Variants in SYT2 observed in about 807,000 individuals in gnomAD.
SYT2 encodes the protein synaptotagmin 2, also known as synaptotagmin-2.
Under a neutral mutation model 39.9 loss-of-function variants are expected in SYT2, and 15 were observed. That is an observed-to-expected ratio of 0.38 (90% CI 0.25 to 0.58). SYT2 has a LOEUF of 0.58. Ranked by LOEUF, SYT2 falls within the 20% of genes least tolerant of loss-of-function variation. The probability of loss-of-function intolerance (pLI) is 0.70; values close to 1 mark genes in which losing one functional copy is unlikely to be tolerated. For missense variants in SYT2, 389 were observed against 530.3 expected, an observed-to-expected ratio of 0.73 and a Z score of 2.62; for synonymous variants, 181 against 204.5, an observed-to-expected ratio of 0.89 and a Z score of 0.98.
At chr1:202,668,607 C>A (rs1572668631) in intron 1 of SYT2, among the ~76,000 whole-genome samples, 1 of 152,148 alleles carries the variant, frequency 6.6e-6, no homozygotes, top group East Asian at 1.9e-4. Flanking sequence ...CCTGTGCTAG[C>A]CATTTTATGT....
intron 1 of SYT2, chr1:202,630,511 T>C (rs1691554630): frequency 5.5e-6 from 3 of 541,948 alleles, no homozygotes; most frequent in Non-Finnish European, 7.1e-6. Context: ...TGGGGTGGGC[T>C]TGGAAGAGGC....
At chr1:202,687,000 C>G (rs1263324520) in intron 1 of SYT2, among the ~76,000 whole-genome samples, 1 of 152,144 alleles carries the variant, frequency 6.6e-6, no homozygotes, top group Non-Finnish European at 1.5e-5. Flanking sequence ...GAGCTGCAGC[C>G]TGACAATCTA....
Position 202,596,814 on chromosome 1 carries a change from C to T in SYT2, c.1203G>A (p.Gln401=). The T allele has an allele frequency of 6.2e-7, 1 of 1,614,210 alleles. No individual in the cohort carries two copies. The highest frequency in any genetic ancestry group is 8.5e-7 in the Non-Finnish European group (1 of 1,180,024). The change falls in exon 9 of 9, where the codon CAG becomes CAA. Residue 401 remains glutamine, a synonymous_variant. Coordinates refer to ENST00000367268, the MANE Select transcript of SYT2 (RefSeq NM_177402.5). The stretch of plus-strand genomic sequence containing the variant: ...CCTCCTCAGGCTTGAGCGAGTGCCA[C>T]TGGGCGATGGGCCTCCGGGGGTTGG... The part of the protein sequence containing the change: ...MLANPRRPIA[Q]WHSLKPEEEV...
At chr1:202,647,199 A>G (rs1692102823) in intron 1 of SYT2, among the ~76,000 whole-genome samples, 1 of 152,192 alleles carries the variant, frequency 6.6e-6, no homozygotes, top group Admixed American at 6.5e-5. Context: ...CCTTCCAATG[A>G]GATGGCAACT....
chr1:202,643,391 G>C (rs1212729765), intron 1 of SYT2: 3 of 152,972 alleles, frequency 2.0e-5, no homozygotes, highest in Non-Finnish European at 2.9e-5. Flanking sequence ...CTTCCCCGCC[G>C]GCCCTGCCGC....
Position 202,599,043 on chromosome 1 carries a change from G to A in SYT2, c.1053+175C>T, listed in dbSNP as rs1690402233. On this transcript the variant is annotated intron_variant, in intron 8 of 8. Coordinates refer to ENST00000367268, the MANE Select transcript of SYT2 (RefSeq NM_177402.5). The surrounding 1 kb of genome is among the most constrained non-coding windows in gnomAD (Gnocchi z 4.4). ...CATGTTTATCTCCTCAGAAAAGGGG[G>A]ATCCCTGAAGCACTTGGGAAGGAGG... Among the ~76,000 whole-genome samples the A allele has an allele frequency of 6.6e-6, 1 of 152,124 alleles. No homozygotes were observed. The highest frequency in any genetic ancestry group is 1.5e-5 in the Non-Finnish European group (1 of 68,016).
rs142972618 is a variant in SYT2 at position 202,648,251 on chromosome 1, G to A, written c.-17-42462C>T. On this transcript the variant is annotated intron_variant, in intron 1 of 8. Coordinates refer to ENST00000367268, the MANE Select transcript of SYT2 (RefSeq NM_177402.5). The stretch of plus-strand genomic sequence containing the variant: ...GCTAGAGTGCAGAGGTGTGATCTCG[G>A]CTCACCGCAACCTCCGCCTCCCAGG... 8.9e-3 allele frequency among the ~76,000 whole-genome samples: 1,359 copies of A among 152,170 alleles called. 23 individuals carry two copies. Among genetic ancestry groups the A allele is most frequent in the African/African-American group, 0.031 (1,303 of 41,494 alleles).
intron 1 of SYT2, among the ~76,000 whole-genome samples, chr1:202,646,865 C>T (rs1370070521): frequency 1.3e-5 from 2 of 152,160 alleles, no homozygotes; most frequent in African/African-American, 4.8e-5. Context: ...CGCAGCCCCA[C>T]CTCACTTAGT....
intron 1 of SYT2, among the ~76,000 whole-genome samples, chr1:202,640,734 CAGAGAGAG>C (rs56979202): frequency 0.11 from 9,955 of 90,520 alleles, 616 homozygotes; most frequent in Admixed American, 0.14. Flanking sequence ...TCCTAATGGT[CAGAGAGAG>C]AGAGAGAGAG....
At chr1:202,695,410 C>T (rs1325561473) in intron 1 of SYT2, among the ~76,000 whole-genome samples, 1 of 152,188 alleles carries the variant, frequency 6.6e-6, no homozygotes, top group Non-Finnish European at 1.5e-5. Context: ...GCCCTTGTTT[C>T]TAGGTCTGAA....
At chr1:202,681,621 A>T (rs1653527735) in intron 1 of SYT2, among the ~76,000 whole-genome samples, 1 of 152,234 alleles carries the variant, frequency 6.6e-6, no homozygotes, top group Non-Finnish European at 1.5e-5. Context: ...AACAGAGAGC[A>T]GGACCAGCCT....
At chr1:202,648,451 G>A (rs528661426) in intron 1 of SYT2, among the ~76,000 whole-genome samples, 2 of 152,342 alleles carry the variant, frequency 1.3e-5, no homozygotes, top group East Asian at 3.9e-4. Flanking sequence ...CAAAGTGCTG[G>A]GATTACAGGT....
chr1:202,602,093 C>G (rs371718764), intron 5 of SYT2, 36 bp from the exon 6 acceptor site: 1 of 1,610,106 alleles, frequency 6.2e-7, no homozygotes, highest in African/African-American at 1.3e-5. Context: ...GGGGCCAGAG[C>G]GACTCACGCA....
At chr1:202,597,910 A>C (rs1438882876) in intron 8 of SYT2, among the ~76,000 whole-genome samples, 1 of 152,294 alleles carries the variant, frequency 6.6e-6, no homozygotes, top group East Asian at 1.9e-4. Context: ...TGAATGCTCG[A>C]TGCCTTTTTC....
intron 1 of SYT2, among the ~76,000 whole-genome samples, chr1:202,617,477 C>G (rs12566760): frequency 0.17 from 26,523 of 152,084 alleles, 2,723 homozygotes; most frequent in East Asian, 0.29. Context: ...TCTCCAGAAG[C>G]CGAGCAGATG....
At position 202,601,873 on chromosome 1, in the gene SYT2, C is replaced by T. The variant is rs758801043; in HGVS notation, c.801+17G>A. 4 of 1,610,574 alleles carry T rather than the reference C, an allele frequency of 2.5e-6. No individual in the cohort carries two copies. The highest frequency in any genetic ancestry group is 1.7e-5 in the Admixed American group (1 of 59,740). On this transcript the variant is annotated intron_variant, in intron 6 of 8. Transcript: ENST00000367268. This position sits in a 1 kb window ranked among gnomAD's most constrained non-coding sequence, Gnocchi z 4.0. Reference sequence around the variant, plus strand: ...CATTCGTCTTTCTGCCCAACCTGGCCTCATCTCTGCTCTTACCTCCTCCTT... The same window carrying T: ...CATTCGTCTTTCTGCCCAACCTGGCTTCATCTCTGCTCTTACCTCCTCCTT...
chr1:202,613,037 C>G (rs941873153), intron 1 of SYT2, among the ~76,000 whole-genome samples: 1 of 148,302 alleles, frequency 6.7e-6, no homozygotes, highest in African/African-American at 2.5e-5. Context: ...AGTCTTGTAC[C>G]CTGCCACATT....
chr1:202,679,876 C>G (rs147738136), intron 1 of SYT2, among the ~76,000 whole-genome samples: 167 of 152,328 alleles, frequency 1.1e-3, no homozygotes, highest in African/African-American at 4.0e-3. Flanking sequence ...TTCCTTCAGC[C>G]CTCAATGCTG....
At chr1:202,603,967 C>T (rs1441552585) in intron 3 of SYT2, among the ~76,000 whole-genome samples, 1 of 152,160 alleles carries the variant, frequency 6.6e-6, no homozygotes. Flanking sequence ...CTGACCAACA[C>T]CAAAAGACAG....
Sources: allele counts gnomAD v4.1 joint callset (sites outside exome capture counted in the v4.1 genomes callset), GRCh38; gene constraint gnomAD v4.1.1; non-coding constraint Gnocchi (gnomAD v3.1); transcripts MANE v1.5; gene names NCBI Gene and HGNC (gene_info 2026-07-23, HGNC 2026-07-21).